Variants in OCA2 observed in about 807,000 individuals in gnomAD.
OCA2 encodes P protein.
Under a neutral mutation model 100.2 loss-of-function variants are expected in OCA2, and 77 were observed. The observed-to-expected ratio is 0.77, with a 90% confidence interval of 0.64 to 0.93. The LOEUF is 0.93. Among genes scored for constraint, OCA2 ranks in the 40% least tolerant of loss-of-function variants. OCA2 has a pLI of 0.00. For synonymous variants in OCA2, 432 were observed against 439.2 expected (o/e 0.98, Z 0.21); for missense variants, 1,062 against 1,089.1 (o/e 0.98, Z 0.35).
chr15:28,002,045 A>G (rs1185674610), intron 9 of OCA2, among the ~76,000 whole-genome samples: 1 of 152,224 alleles, frequency 6.6e-6, no homozygotes, highest in African/African-American at 2.4e-5. Context: ...ACTGGCTAAC[A>G]GAAATTGGTT....
intron 23 of OCA2, among the ~76,000 whole-genome samples, chr15:27,801,882 C>T (rs1442251255): frequency 6.6e-6 from 1 of 151,826 alleles, no homozygotes; most frequent in Non-Finnish European, 1.5e-5. Flanking sequence ...TCCTGGCTAC[C>T]ATCAGGAATA....
At chr15:27,848,983 G>A (rs1026304682) in intron 22 of OCA2, among the ~76,000 whole-genome samples, 63 of 151,710 alleles carry the variant, frequency 4.2e-4, no homozygotes, top group African/African-American at 1.4e-3. Context: ...ATGCTGCCTG[G>A]GTTTGTGTGA....
At chr15:27,944,626 C>T (rs1249182542) in intron 18 of OCA2, among the ~76,000 whole-genome samples, 1 of 152,170 alleles carries the variant, frequency 6.6e-6, no homozygotes. Flanking sequence ...CCAGCTGCTC[C>T]TGTGGCTTAC....
Position 27,861,448 on chromosome 15 carries a change from A to C in OCA2, c.2244+9706T>G, listed in dbSNP as rs1232725178. Among the ~76,000 whole-genome samples the C allele has an allele frequency of 2.0e-5, 3 of 151,994 alleles. No individual in the cohort carries two copies. In the East Asian group the frequency reaches 5.8e-4, roughly 30 times the overall value. On this transcript the variant is annotated intron_variant, in intron 21 of 23. Transcript: ENST00000354638. ...CACTTGGAGTAAGTGTTCAGATGAG[A>C]CCCCTGCAGCCGTGAGTCTAGAGAG...
intron 19 of OCA2, among the ~76,000 whole-genome samples, chr15:27,881,223 G>A (rs923821532): frequency 2.6e-5 from 4 of 152,172 alleles, no homozygotes; most frequent in African/African-American, 7.2e-5. Flanking sequence ...CTTGATCGTG[G>A]TGGATAAGCT....
At chr15:27,915,765 T>C (rs776695846) in intron 19 of OCA2, among the ~76,000 whole-genome samples, 42 of 152,162 alleles carry the variant, frequency 2.8e-4, no homozygotes, top group Middle Eastern at 3.4e-3. Flanking sequence ...CTGATTAGAG[T>C]ATAAGTCAGT....
Position 27,979,868 on chromosome 15 carries a change from GTT to G in OCA2, c.1503+3475_1503+3476del, listed in dbSNP as rs35266057. Among the ~76,000 whole-genome samples the G allele has an allele frequency of 2.7e-3, 289 of 107,994 alleles. 4 individuals are homozygous for G. Among genetic ancestry groups the G allele is most frequent in the Middle Eastern group, 0.01 (2 of 196 alleles). The allele number at this position is 107,994 out of a possible 152,430, so 70.8% of individuals were successfully genotyped here. ...GCACGTGCCACCATGCCCAGCTAGT[GTT>G]TTTTTTTTTTTTTTTTTGGATTTCT... On this transcript the variant is annotated intron_variant, in intron 14 of 23. Coordinates refer to ENST00000354638, the MANE Select transcript of OCA2 (RefSeq NM_000275.3).
At chr15:27,736,143 TAA>T in the OCA2 span, among the ~76,000 whole-genome samples, 76 of 152,322 alleles carry the variant, frequency 5.0e-4, no homozygotes, top group South Asian at 9.1e-3. Flanking sequence ...AAAATAACTA[TAA>T]GTGTACATGT....
At chr15:27,847,380 T>C (rs1414663185) in intron 22 of OCA2, among the ~76,000 whole-genome samples, 1 of 152,180 alleles carries the variant, frequency 6.6e-6, no homozygotes, top group African/African-American at 2.4e-5. Flanking sequence ...CAGCCACATC[T>C]AAGACAGGAG....
chr15:28,044,481 G>A (rs1289328480), intron 2 of OCA2, among the ~76,000 whole-genome samples: 1 of 152,186 alleles, frequency 6.6e-6, no homozygotes, highest in Non-Finnish European at 1.5e-5. Flanking sequence ...CACATACACG[G>A]CCTGGAGACT....
chr15:28,090,116 T>C (rs1275613862), intron 1 of OCA2, among the ~76,000 whole-genome samples: 1 of 152,196 alleles, frequency 6.6e-6, no homozygotes. Flanking sequence ...AGACATCTTG[T>C]AGTGATAAAA....
intron 22 of OCA2, among the ~76,000 whole-genome samples, chr15:27,850,498 G>C (rs557693798): frequency 7.9e-5 from 12 of 152,016 alleles, no homozygotes; most frequent in Non-Finnish European, 1.2e-4. Context: ...TGGTTCTTAG[G>C]GGCAATTTCA....
intron 2 of OCA2, among the ~76,000 whole-genome samples, chr15:28,051,587 T>C (rs962912262): frequency 2.1e-5 from 3 of 143,724 alleles, no homozygotes; most frequent in Non-Finnish European, 4.5e-5. Flanking sequence ...CCACTGCGCC[T>C]GGCCTTCCTT....
chr15:28,092,459 A>T (rs927621929), intron 1 of OCA2, among the ~76,000 whole-genome samples: 2 of 152,078 alleles, frequency 1.3e-5, no homozygotes, highest in Non-Finnish European at 2.9e-5. Flanking sequence ...AGGCTCAGTG[A>T]TCCTCCCACC....
intron 23 of OCA2, among the ~76,000 whole-genome samples, chr15:27,824,435 A>G (rs748973411): frequency 4.6e-5 from 7 of 151,784 alleles, no homozygotes; most frequent in Non-Finnish European, 7.4e-5. Context: ...TGCACAAAAT[A>G]AGAGATAATG....
chr15:28,045,269 T>A (rs966995803), intron 2 of OCA2, among the ~76,000 whole-genome samples: 11 of 152,354 alleles, frequency 7.2e-5, no homozygotes, highest in African/African-American at 2.6e-4. Context: ...AATGATATTA[T>A]ACCCATTGCT....
chr15:27,955,169 G>C lies in OCA2; in HGVS notation c.1831C>G (p.Leu611Val), dbSNP rs753549210. ...DKNWETNIQELQKKHRISDGI... is the reference protein window; with the variant it reads ...DKNWETNIQEVQKKHRISDGI... ...AGAAAGCTGGGTACCTTTTTTTGGA[G>C]TTCTTGGATATTGGTCTCCCAATTT... The change falls in exon 17 of 24, where the codon CTC (leucine) becomes GTC (valine). Residue 611 changes from leucine (L) to valine (V), a missense_variant. Leu to Val is a conservative substitution (Grantham distance 32). Coordinates refer to ENST00000354638, the MANE Select transcript of OCA2 (RefSeq NM_000275.3). 1.9e-6 allele frequency: 3 copies of C among 1,611,556 alleles called. No homozygotes were observed. The highest frequency in any genetic ancestry group is 2.5e-6 in the Non-Finnish European group (3 of 1,177,634).
intron 2 of OCA2, among the ~76,000 whole-genome samples, chr15:28,032,595 C>T (rs949070705): frequency 6.0e-5 from 9 of 151,246 alleles, no homozygotes; most frequent in African/African-American, 2.2e-4. Context: ...ACCAGCCTGG[C>T]CAACGTGGTG....
rs879577588 is a variant in OCA2, at chr15:27,957,912, G to A, written c.1637-177C>T. 1.3e-5 allele frequency among the ~76,000 whole-genome samples: 2 copies of A among 152,122 alleles called. No homozygotes were observed. The highest frequency in any genetic ancestry group is 1.5e-5 in the Non-Finnish European group (1 of 68,026). On this transcript the variant is annotated intron_variant, in intron 15 of 23. Transcript: ENST00000354638. The surrounding 1 kb of genome is among the most constrained non-coding windows in gnomAD (Gnocchi z 4.3). ...TGAGCTATTGCAATGGAGCCCAGAC[G>A]ACAAAGCCGACATTTAAAAATTATC...
Sources: gnomAD v4.1 joint callset for allele counts (sites outside exome capture counted in the v4.1 genomes callset) on GRCh38, gnomAD v4.1.1 for gene constraint, Gnocchi (gnomAD v3.1) non-coding constraint, MANE v1.5 for transcripts, NCBI Gene and HGNC (gene_info 2026-07-23, HGNC 2026-07-21) for gene names.